The following CERS3 variants were observed in gnomAD, a reference collection of about 807,000 sequenced individuals.
The protein encoded by CERS3 is ceramide synthase 3.
CERS3 carries 33 observed loss-of-function variants against 50.3 expected under a neutral mutation model. The observed-to-expected ratio is 0.66, with a 90% CI of 0.50 to 0.88. The LOEUF (loss-of-function observed/expected upper bound fraction) is 0.88. Among genes scored for constraint, CERS3 ranks in the 40% least tolerant of loss-of-function variants. CERS3 has a pLI of 0.00. For missense variants in CERS3, 470 were observed against 460.3 expected (o/e 1.02, Z -0.19); for synonymous variants, 176 against 155.2 (o/e 1.13, Z -0.99).
At chr15:100,464,432 C>G (rs1567636543) in intron 10 of CERS3, among the ~76,000 whole-genome samples, 1 of 152,160 alleles carries the variant, frequency 6.6e-6, no homozygotes, top group African/African-American at 2.4e-5. Context: ...AAGCAACAAG[C>G]CACCCTGCCC....
intron 11 of CERS3, among the ~76,000 whole-genome samples, chr15:100,448,538 C>A (rs372138148): frequency 6.6e-6 from 1 of 152,198 alleles, no homozygotes; most frequent in Non-Finnish European, 1.5e-5. Flanking sequence ...AAAAGCATTG[C>A]TCCATAGAAG....
chr15:100,483,429 T>C (rs1317975407), intron 5 of CERS3, among the ~76,000 whole-genome samples: 1 of 152,212 alleles, frequency 6.6e-6, no homozygotes, highest in Non-Finnish European at 1.5e-5. Flanking sequence ...GATACTAACC[T>C]GTACCTCTGC....
intron 1 of CERS3, among the ~76,000 whole-genome samples, chr15:100,536,011 C>T (rs1243319334): frequency 7.0e-5 from 4 of 57,298 alleles, no homozygotes; most frequent in Admixed American, 2.0e-4. Context: ...CATCCCTGTG[C>T]TCATATGTGC....
chr15:100,455,787 AAG>A, intron 11 of CERS3, 104 bp downstream of exon 11: 4 of 784,558 alleles, frequency 5.1e-6, no homozygotes, highest in Non-Finnish European at 5.4e-6. Context: ...ATCAAGAAAA[AAG>A]AATTCTGGTT....
chr15:100,402,458 G>A lies in CERS3; in HGVS notation c.*255C>T. 1 of 473,364 alleles carries A rather than the reference G, an allele frequency of 2.1e-6. No homozygotes were observed. The highest frequency in any genetic ancestry group is 3.8e-6 in the Non-Finnish European group (1 of 265,396). The allele number at this position is 473,364 out of a possible 1,614,324, so 29.3% of individuals were successfully genotyped here. A position where few individuals can be genotyped will look rare whatever the true frequency, so the allele number is the denominator to read the frequency against. ...TGCATGAGGGAGTGCAATTAGAACT[G>A]AGACGGTTCTGTGGAGAAATCTTTG... On this transcript the variant is annotated 3_prime_UTR_variant, in exon 12 of 12. Transcript: ENST00000679737.
At chr15:100,490,972 A>C in intron 3 of CERS3, 41 bp from the exon 4 acceptor site, 1 of 1,187,304 alleles carries the variant, frequency 8.4e-7, no homozygotes, top group Non-Finnish European at 1.2e-6. Flanking sequence ...AAATCTAAGA[A>C]TAAATCCACG....
chr15:100,497,934 G>A (rs2035879315), intron 3 of CERS3, among the ~76,000 whole-genome samples: 1 of 135,372 alleles, frequency 7.4e-6, no homozygotes, highest in Admixed American at 8.3e-5. Context: ...TCACTCTGTC[G>A]CCAGGCTGGA....
intron 9 of CERS3, among the ~76,000 whole-genome samples, chr15:100,472,248 G>T (rs1249596330): frequency 6.6e-6 from 1 of 152,186 alleles, no homozygotes; most frequent in Non-Finnish European, 1.5e-5. Flanking sequence ...TACAGCAAGA[G>T]ATCTGGCAGA....
At chr15:100,456,103 CAAT>C in intron 10 of CERS3, 57 bp from the exon 11 acceptor site, 1 of 1,364,686 alleles carries the variant, frequency 7.3e-7, no homozygotes, top group South Asian at 1.6e-5. Flanking sequence ...TATGAATTTT[CAAT>C]AATAAAACAA....
intron 1 of CERS3, among the ~76,000 whole-genome samples, chr15:100,521,982 G>A (rs1400522414): frequency 6.6e-6 from 1 of 152,118 alleles, no homozygotes; most frequent in Non-Finnish European, 1.5e-5. Flanking sequence ...ATCCAGATTT[G>A]CAGCTTCACT....
chr15:100,428,835 T>A (rs2032968515), intron 11 of CERS3, among the ~76,000 whole-genome samples: 2 of 152,234 alleles, frequency 1.3e-5, no homozygotes, highest in South Asian at 4.1e-4. Context: ...AATAGAGGAA[T>A]CTCACTTAGA....
At chr15:100,445,624 T>C (rs546843568) in intron 11 of CERS3, among the ~76,000 whole-genome samples, 23 of 152,184 alleles carry the variant, frequency 1.5e-4, no homozygotes, top group African/African-American at 5.1e-4. Context: ...TACCACAAAA[T>C]CTTCCTTCAG....
chr15:100,494,540 AC>A (rs1335279623), intron 3 of CERS3, among the ~76,000 whole-genome samples: 2 of 151,936 alleles, frequency 1.3e-5, no homozygotes, highest in African/African-American at 4.8e-5. Flanking sequence ...AGGCTTAGTC[AC>A]CTTTTTTGAA....
chr15:100,443,722 T>C (rs2654590), intron 11 of CERS3, among the ~76,000 whole-genome samples: 122,452 of 139,092 alleles, frequency 0.88, 54,530 homozygotes, highest in Non-Finnish European at 0.97. Context: ...TTACCTATCT[T>C]AGCATAATTC....
At chr15:100,541,945 T>C (rs1426356584) in intron 1 of CERS3, among the ~76,000 whole-genome samples, 1 of 152,156 alleles carries the variant, frequency 6.6e-6, no homozygotes, top group East Asian at 1.9e-4. Context: ...TACTAGTCAT[T>C]TACAATTAAA....
chr15:100,536,835 A>T (rs2037086237), intron 1 of CERS3, among the ~76,000 whole-genome samples: 1 of 152,228 alleles, frequency 6.6e-6, no homozygotes, highest in Non-Finnish European at 1.5e-5. Context: ...AGATAGGAGG[A>T]ATAAGGAGGT....
At chr15:100,448,741 G>C (rs2034040843) in intron 11 of CERS3, among the ~76,000 whole-genome samples, 1 of 152,230 alleles carries the variant, frequency 6.6e-6, no homozygotes, top group Non-Finnish European at 1.5e-5. Flanking sequence ...TACCAGGGCT[G>C]AAGCAGTAAC....
In CERS3 at chr15:100,479,489, A is replaced by G. The variant is rs2142264824; in HGVS notation, c.466-11T>C. 4 of 967,754 alleles carry G rather than the reference A, an allele frequency of 4.1e-6. No homozygotes were observed. The highest frequency in any genetic ancestry group is 2.2e-5 in the South Asian group (1 of 45,300). 59.9% of individuals were successfully genotyped at this position (967,754 alleles called of 1,614,324 possible). A position where few individuals can be genotyped will look rare whatever the true frequency, so the allele number is the denominator to read the frequency against. On this transcript the variant is annotated splice_polypyrimidine_tract_variant and intron_variant, in intron 6 of 11. Transcript: ENST00000679737. The stretch of plus-strand genomic sequence containing the variant: ...ATATAGCCAAGGTTTCTGAAAGAAG[A>G]AAAAAAAAAAGAGCCAACAGATGAG...
intron 1 of CERS3, among the ~76,000 whole-genome samples, chr15:100,534,818 T>C (rs2037031578): frequency 6.6e-6 from 1 of 151,992 alleles, no homozygotes; most frequent in African/African-American, 2.4e-5. Context: ...CAGCTAACAT[T>C]CACTCTGTGC....
Sources: gnomAD v4.1 joint callset for allele counts (sites outside exome capture counted in the v4.1 genomes callset) on GRCh38, gnomAD v4.1.1 for gene constraint, MANE v1.5 for transcripts, NCBI Gene and HGNC (gene_info 2026-07-23, HGNC 2026-07-21) for gene names.